Variants in TEX9 observed in about 807,000 individuals in gnomAD.
TEX9 encodes the protein testis expressed 9, also known as testis-expressed protein 9.
A neutral mutation model predicts 59.6 loss-of-function variants in TEX9; 74 were observed. That is an observed-to-expected ratio of 1.24 (90% CI 1.03 to 1.51). The LOEUF (loss-of-function observed/expected upper bound fraction) is 1.51, where lower values mean the gene tolerates loss of function less well. TEX9 is among the 40% of genes most tolerant of loss of function. The pLI is 0.00. For synonymous variants in TEX9, 186 were observed against 152.2 expected, an observed-to-expected ratio of 1.22 and a Z score of -1.64; for missense variants, 522 against 447.8, an observed-to-expected ratio of 1.17 and a Z score of -1.49.
intron 12 of TEX9, among the ~76,000 whole-genome samples, chr15:56,442,114 C>T (rs1466427739): frequency 6.6e-6 from 1 of 151,738 alleles, no homozygotes; most frequent in Admixed American, 6.6e-5. Flanking sequence ...TATATGTAGC[C>T]AACAAGCACA....
intron 9 of TEX9, 51 bp from the exon 10 acceptor site, chr15:56,412,251 G>C: frequency 2.6e-6 from 4 of 1,526,118 alleles, no homozygotes; most frequent in Non-Finnish European, 3.5e-6. Flanking sequence ...ATGATAAAGG[G>C]GGAAACTATG....
chr15:56,365,710 A>T (rs929297725), intron 2 of TEX9, 40 bp downstream of exon 2: 7 of 1,613,260 alleles, frequency 4.3e-6, no homozygotes, highest in Non-Finnish European at 5.9e-6. Flanking sequence ...TCTTTCTTTC[A>T]TCTGAATGAG....
intron 12 of TEX9, chr15:56,429,483 G>C (rs1161395745): frequency 1.1e-5 from 3 of 285,260 alleles, no homozygotes; most frequent in African/African-American, 6.8e-5. Context: ...ACCTAGATAG[G>C]AAGGCACTTC....
chr15:56,285,208 G>GT (rs1335389264), intron 1 of TEX9, among the ~76,000 whole-genome samples: 3 of 151,850 alleles, frequency 2.0e-5, no homozygotes, highest in African/African-American at 7.3e-5. Flanking sequence ...CTTGATTTTC[G>GT]TGTCTCTGAA....
downstream of TEX9, among the ~76,000 whole-genome samples, chr15:56,448,756 T>C (rs1384668519): frequency 6.8e-6 from 1 of 147,800 alleles, no homozygotes; most frequent in African/African-American, 2.5e-5. Context: ...AGATTCTTTT[T>C]TTTTTTTTTT....
At chr15:56,290,039 T>A (rs1375196540) in intron 1 of TEX9, among the ~76,000 whole-genome samples, 1 of 152,172 alleles carries the variant, frequency 6.6e-6, no homozygotes, top group East Asian at 1.9e-4. Context: ...ACTATTGCAG[T>A]GTCTCTGGTG....
exon 10 of TEX9, chr15:56,412,415 T>G: frequency 1.9e-6 from 3 of 1,611,050 alleles, no homozygotes; most frequent in Non-Finnish European, 2.5e-6. Flanking sequence ...TGGAGTTAAG[T>G]AAATTAAGGC....
upstream of TEX9, among the ~76,000 whole-genome samples, chr15:56,364,828 G>T (rs1318632034): frequency 1.3e-5 from 2 of 152,140 alleles, no homozygotes; most frequent in East Asian, 1.9e-4. Flanking sequence ...CGTGTTTCAG[G>T]CATGATCCTA....
At chr15:56,388,442 T>C in intron 4 of TEX9, 30 bp from the exon 5 acceptor site, 1 of 1,550,986 alleles carries the variant, frequency 6.4e-7, no homozygotes, top group Non-Finnish European at 8.9e-7. Flanking sequence ...CATCTATTAT[T>C]AATGTATAAT....
At chr15:56,373,032 C>G (rs186085804) in intron 2 of TEX9, among the ~76,000 whole-genome samples, 6 of 152,282 alleles carry the variant, frequency 3.9e-5, no homozygotes, top group Admixed American at 3.3e-4. Context: ...AGGTCTCCCC[C>G]ATACCGTGCC....
chr15:56,292,725 T>C (rs1364059986), intron 1 of TEX9, among the ~76,000 whole-genome samples: 1 of 152,186 alleles, frequency 6.6e-6, no homozygotes, highest in Non-Finnish European at 1.5e-5. Context: ...TACCTAGAAA[T>C]GCCTGAGAAG....
At chr15:56,351,943 C>T (rs1192980487) in intron 1 of TEX9, among the ~76,000 whole-genome samples, 1 of 152,170 alleles carries the variant, frequency 6.6e-6, no homozygotes, top group Non-Finnish European at 1.5e-5. Flanking sequence ...ACTCCCAGTA[C>T]ATAACTTTGT....
chr15:56,336,289 C>G (rs968766317), intron 1 of TEX9, among the ~76,000 whole-genome samples: 10 of 152,108 alleles, frequency 6.6e-5, no homozygotes, highest in Admixed American at 5.9e-4. Flanking sequence ...TCCCTAATCC[C>G]AATATGATGG....
At chr15:56,439,994 C>A (rs795791) in intron 12 of TEX9, among the ~76,000 whole-genome samples, 69,561 of 151,790 alleles carry the variant, frequency 0.46, 16,051 homozygotes, top group South Asian at 0.62. Flanking sequence ...CTAGAAGAAA[C>A]TATTTGCTAA....
At position 56,365,824 on chromosome 15, in the gene TEX9, C is replaced by T. The variant is rs895580414; in HGVS notation, c.119+154C>T. 45 of 1,445,808 alleles carry T rather than the reference C, an allele frequency of 3.1e-5. No individual in the cohort carries two copies. In the African/African-American group the frequency reaches 4.2e-4, roughly 13 times the overall value. The allele number at this position is 1,445,808 out of a possible 1,614,324, so 89.6% of individuals were successfully genotyped here. A position where few individuals can be genotyped will look rare whatever the true frequency, so the allele number is the denominator to read the frequency against. On this transcript the variant is annotated intron_variant, in intron 2 of 12. Transcript: ENST00000352903. ...CTCGTTCACCTGCCGTTTATCCTTT[C>T]TTTGTCTTTGATCTGAGTAGTTCGC...
At chr15:56,430,434 G>A (rs1213793094) in intron 12 of TEX9, among the ~76,000 whole-genome samples, 1 of 152,086 alleles carries the variant, frequency 6.6e-6, no homozygotes, top group Non-Finnish European at 1.5e-5. Context: ...TTGAACTCCT[G>A]GGCTCAGGTG....
chr15:56,434,210 C>T, intron 12 of TEX9: 4 of 1,613,934 alleles, frequency 2.5e-6, no homozygotes, highest in Non-Finnish European at 3.4e-6. Context: ...CCAGCTGCTT[C>T]ATTCTTTGTT....
chr15:56,341,418 C>T (rs1269629180), intron 1 of TEX9, among the ~76,000 whole-genome samples: 1 of 152,156 alleles, frequency 6.6e-6, no homozygotes, highest in African/African-American at 2.4e-5. Context: ...CAGTGTTCAA[C>T]CTATTAGTAG....
At chr15:56,342,990 G>A (rs1031771637) in intron 1 of TEX9, among the ~76,000 whole-genome samples, 3 of 152,140 alleles carry the variant, frequency 2.0e-5, no homozygotes, top group Non-Finnish European at 2.9e-5. Context: ...CAAGGCTTCA[G>A]ATGCTGTATA....
Sources: allele counts gnomAD v4.1 joint callset (sites outside exome capture counted in the v4.1 genomes callset), GRCh38; gene constraint gnomAD v4.1.1; transcripts MANE v1.5; gene names NCBI Gene and HGNC (gene_info 2026-07-23, HGNC 2026-07-21).